Variants in FHIT observed in about 807,000 individuals in gnomAD.
The protein encoded by FHIT is bis(5'-adenosyl)-triphosphatase.
FHIT carries 19 observed loss-of-function variants against 17.9 expected under a neutral mutation model. That is an observed-to-expected ratio of 1.06 (90% CI 0.74 to 1.56). FHIT has a LOEUF of 1.56. Ranked by LOEUF, FHIT falls within the 40% of genes most tolerant of loss-of-function variation. The pLI, the probability that FHIT is intolerant of heterozygous loss-of-function variation, is 0.00. For synonymous variants in FHIT, 81 were observed against 69.7 expected (o/e 1.16, Z -0.81); for missense variants, 248 against 189.2 (o/e 1.31, Z -1.82).
intron 5 of FHIT, among the ~76,000 whole-genome samples, chr3:60,256,132 T>A (rs1001196317): frequency 2.6e-5 from 4 of 152,222 alleles, no homozygotes; most frequent in African/African-American, 7.2e-5. Flanking sequence ...CTAGCTCTCA[T>A]TTTATTTGTC....
chr3:61,203,225 T>A (rs1222461149), intron 1 of FHIT, among the ~76,000 whole-genome samples: 20 of 147,508 alleles, frequency 1.4e-4, no homozygotes, highest in African/African-American at 4.2e-4. Flanking sequence ...GGTGGGCACC[T>A]GTAATCCCAG....
intron 5 of FHIT, among the ~76,000 whole-genome samples, chr3:60,065,825 G>T (rs1410262750): frequency 6.6e-6 from 1 of 152,122 alleles, no homozygotes; most frequent in East Asian, 1.9e-4. Flanking sequence ...GTGAAAATCT[G>T]CTGGGGAATA....
chr3:61,079,375 C>A (rs2035063406), intron 2 of FHIT, among the ~76,000 whole-genome samples: 2 of 151,824 alleles, frequency 1.3e-5, no homozygotes, highest in Admixed American at 1.3e-4. Flanking sequence ...TTTTTGCAAG[C>A]AGATTTAAAA....
At chr3:61,022,946 G>T (rs2032532921) in intron 3 of FHIT, among the ~76,000 whole-genome samples, 1 of 152,180 alleles carries the variant, frequency 6.6e-6, no homozygotes, top group Admixed American at 6.5e-5. Flanking sequence ...AGACAAGGAT[G>T]CCCTCTCACC....
intron 3 of FHIT, among the ~76,000 whole-genome samples, chr3:60,907,745 A>C (rs571007409): frequency 1.3e-5 from 2 of 152,308 alleles, no homozygotes; most frequent in East Asian, 3.9e-4. Flanking sequence ...CTCAAGGGGG[A>C]AGAGTAATTG....
intron 2 of FHIT, among the ~76,000 whole-genome samples, chr3:61,149,107 T>C (rs895085887): frequency 2.3e-4 from 35 of 152,140 alleles, no homozygotes; most frequent in African/African-American, 7.7e-4. Context: ...ACCTCTCAAA[T>C]AATTAAGAGG....
chr3:60,572,985 A>G (rs2037439167), intron 4 of FHIT, among the ~76,000 whole-genome samples: 1 of 152,046 alleles, frequency 6.6e-6, no homozygotes, highest in Admixed American at 6.6e-5. Flanking sequence ...TTATTTCCAT[A>G]TTTCACTTGA....
intron 4 of FHIT, among the ~76,000 whole-genome samples, chr3:60,538,893 T>G (rs1452018506): frequency 2.6e-5 from 4 of 152,098 alleles, no homozygotes; most frequent in Admixed American, 1.3e-4. Flanking sequence ...AAGGACTTCA[T>G]GTCTAAAACA....
chr3:60,286,562 A>G (rs1278402085), intron 5 of FHIT, among the ~76,000 whole-genome samples: 1 of 152,124 alleles, frequency 6.6e-6, no homozygotes, highest in Non-Finnish European at 1.5e-5. Context: ...TCACAGTGAT[A>G]TTTACAAGTT....
chr3:61,072,992 T>G (rs760552244), intron 2 of FHIT, among the ~76,000 whole-genome samples: 1 of 152,162 alleles, frequency 6.6e-6, no homozygotes, highest in Non-Finnish European at 1.5e-5. Flanking sequence ...CTAATTTTTT[T>G]ATAAAGGCCC....
At chr3:60,271,640 T>C (rs1178434692) in intron 5 of FHIT, among the ~76,000 whole-genome samples, 1 of 152,224 alleles carries the variant, frequency 6.6e-6, no homozygotes, top group Non-Finnish European at 1.5e-5. Context: ...GGTCAATGTA[T>C]GGCACATCTG....
chr3:59,898,565 TG>T (rs1211524666), intron 8 of FHIT, among the ~76,000 whole-genome samples: 2 of 152,154 alleles, frequency 1.3e-5, no homozygotes, highest in Non-Finnish European at 2.9e-5. Context: ...GTCCCATATT[TG>T]GGCTTGGCAA....
chr3:60,926,777 G>T (rs1253194983), intron 3 of FHIT, among the ~76,000 whole-genome samples: 1 of 152,066 alleles, frequency 6.6e-6, no homozygotes, highest in African/African-American at 2.4e-5. Context: ...CTGGTTTTTT[G>T]AAAAGATCAA....
At position 60,565,797 on chromosome 3, in the gene FHIT, T is replaced by G. The variant is rs190193249; in HGVS notation, c.-17-28818A>C. On this transcript the variant is annotated intron_variant, in intron 4 of 9. Coordinates refer to ENST00000492590, the MANE Select transcript of FHIT (RefSeq NM_002012.4). The stretch of plus-strand genomic sequence containing the variant: ...CTGATCTTAGTTATTTCTTGCCTTC[T>G]GCTAGCTTTTGAATGTGTTTGCTCT... 7.9e-4 allele frequency among the ~76,000 whole-genome samples: 120 copies of G among 152,312 alleles called. 3 individuals are homozygous for G. In the East Asian group the frequency reaches 0.021, roughly 26 times the overall value.
intron 4 of FHIT, among the ~76,000 whole-genome samples, chr3:60,726,017 G>A (rs1311378481): frequency 6.6e-6 from 1 of 152,162 alleles, no homozygotes. Flanking sequence ...GGAAAGTGGA[G>A]GTCAAGTAAT....
At chr3:60,485,284 C>G (rs2033788441) in intron 5 of FHIT, among the ~76,000 whole-genome samples, 1 of 152,118 alleles carries the variant, frequency 6.6e-6, no homozygotes, top group Non-Finnish European at 1.5e-5. Context: ...ACCACTTGAC[C>G]CAGCAATCCC....
At position 60,091,665 on chromosome 3, in the gene FHIT, G is replaced by A. The variant is rs79581804; in HGVS notation, c.104-77513C>T. On this transcript the variant is annotated intron_variant, in intron 5 of 9. Coordinates refer to ENST00000492590, the MANE Select transcript of FHIT (RefSeq NM_002012.4). ...TTTGATCATGGGGGCGGTTTCTCAC[G>A]AATGGTTTCGCACCATCCCCTTGGT... Among the ~76,000 whole-genome samples, 150 of 152,246 alleles carry A rather than the reference G, an allele frequency of 9.9e-4. 2 individuals carry two copies. The East Asian group carries it at 0.025, about 25-fold the overall frequency.
At chr3:61,169,071 T>C (rs2037922921) in intron 2 of FHIT, among the ~76,000 whole-genome samples, 1 of 152,200 alleles carries the variant, frequency 6.6e-6, no homozygotes, top group Non-Finnish European at 1.5e-5. Flanking sequence ...AAAGATGGCC[T>C]CCACCTTGAA....
At chr3:61,041,842 A>T (rs1357035115) in intron 3 of FHIT, among the ~76,000 whole-genome samples, 1 of 152,208 alleles carries the variant, frequency 6.6e-6, no homozygotes, top group Non-Finnish European at 1.5e-5. Context: ...ATAATAATGA[A>T]AAAAGTGAGA....
Sources: allele counts gnomAD v4.1 joint callset (sites outside exome capture counted in the v4.1 genomes callset), GRCh38; gene constraint gnomAD v4.1.1; transcripts MANE v1.5; gene names NCBI Gene and HGNC (gene_info 2026-07-23, HGNC 2026-07-21).